The following ASCC3 variants were observed in gnomAD, a reference collection of about 807,000 sequenced individuals.
ASCC3 encodes the protein ASC-1 complex subunit P200.
In ASCC3, 158 loss-of-function variants were observed where a neutral mutation model predicts 256.3. That is an observed-to-expected ratio of 0.62 (90% confidence interval 0.54 to 0.70). ASCC3 has a LOEUF of 0.70. Ranked by LOEUF, ASCC3 falls within the 30% of genes least tolerant of loss-of-function variation. The pLI is 0.00. For missense variants in ASCC3, 2,259 were observed against 2,626.0 expected (o/e 0.86, Z 3.05); for synonymous variants, 948 against 883.4 (o/e 1.07, Z -1.30).
At chr6:100,635,498 G>T (rs1774798369) in intron 25 of ASCC3, among the ~76,000 whole-genome samples, 1 of 152,076 alleles carries the variant, frequency 6.6e-6, no homozygotes, top group Admixed American at 6.6e-5. Context: ...GAATGAATAA[G>T]TACTAGACAC....
chr6:100,862,991 A>C (rs1773298917), intron 3 of ASCC3, among the ~76,000 whole-genome samples: 1 of 152,190 alleles, frequency 6.6e-6, no homozygotes, highest in Non-Finnish European at 1.5e-5. Context: ...GAGGAAGTTG[A>C]AGACAGACGT....
chr6:100,646,418 C>A (rs1484828534), intron 22 of ASCC3, among the ~76,000 whole-genome samples, 197 bp downstream of exon 22: 1 of 152,108 alleles, frequency 6.6e-6, no homozygotes, highest in Non-Finnish European at 1.5e-5. Context: ...TCATGCCATT[C>A]TCCTGCCTCA....
At chr6:100,674,631 A>AT (rs3073741) in intron 14 of ASCC3, among the ~76,000 whole-genome samples, 52,474 of 131,654 alleles carry the variant, frequency 0.4, 11,199 homozygotes, top group East Asian at 0.52. Flanking sequence ...TTATTACAGA[A>AT]TTTTTTTTTT....
intron 37 of ASCC3, among the ~76,000 whole-genome samples, chr6:100,529,350 T>C (rs1198409924): frequency 6.6e-6 from 1 of 152,182 alleles, no homozygotes; most frequent in Non-Finnish European, 1.5e-5. Flanking sequence ...GTTAATTCAT[T>C]AGTTTATATA....
intron 4 of ASCC3, among the ~76,000 whole-genome samples, chr6:100,829,754 A>G (rs1348489572): frequency 6.6e-6 from 1 of 152,184 alleles, no homozygotes; most frequent in Non-Finnish European, 1.5e-5. Context: ...TGTCACCTCT[A>G]TGTTTTTTCC....
intron 1 of ASCC3, 61 bp from the exon 2 acceptor site, chr6:100,868,099 A>C: frequency 1.1e-6 from 1 of 926,428 alleles, no homozygotes; most frequent in Non-Finnish European, 1.7e-6. Flanking sequence ...AATCAAACTC[A>C]ACAAATTAGC....
Position 100,826,134 on chromosome 6 carries a change from C to CT in ASCC3, c.802-20255dup, listed in dbSNP as rs546238946. On this transcript the variant is annotated intron_variant, in intron 4 of 41. Coordinates refer to ENST00000369162, the MANE Select transcript of ASCC3 (RefSeq NM_006828.4). The stretch of plus-strand genomic sequence containing the variant: ...TAGGCTAAGTCTCCCACAAACTGTA[C>CT]TTTTTTTTTCATTTTTTGAGACAGT... Among the ~76,000 whole-genome samples, 365 of 150,914 alleles carry CT rather than the reference C, an allele frequency of 2.4e-3. 2 individuals carry two copies. The highest frequency in any genetic ancestry group is 0.015 in the South Asian group (70 of 4,746).
At chr6:100,858,780 A>G in intron 3 of ASCC3, 1 of 795,236 alleles carries the variant, frequency 1.3e-6, no homozygotes, top group South Asian at 2.4e-5. Context: ...TAGCCACAAC[A>G]TTATCACACC....
At chr6:100,581,217 A>G (rs1039109781) in intron 36 of ASCC3, among the ~76,000 whole-genome samples, 8 of 152,204 alleles carry the variant, frequency 5.3e-5, no homozygotes, top group African/African-American at 1.7e-4. Context: ...AAGTGTTCCT[A>G]TATCTCCACA....
intron 13 of ASCC3, among the ~76,000 whole-genome samples, chr6:100,709,323 G>A (rs550084452): frequency 5.9e-5 from 9 of 152,210 alleles, no homozygotes; most frequent in Non-Finnish European, 1.0e-4. Context: ...AACATTTAAC[G>A]TACTTAATAA....
chr6:100,787,937 A>G (rs764253648), intron 8 of ASCC3, among the ~76,000 whole-genome samples: 2 of 151,970 alleles, frequency 1.3e-5, no homozygotes, highest in Non-Finnish European at 1.5e-5. Context: ...AATTGCTTAC[A>G]TATGACCAAA....
intron 36 of ASCC3, among the ~76,000 whole-genome samples, chr6:100,565,475 A>AATAC (rs1452883620): frequency 6.6e-6 from 1 of 152,148 alleles, no homozygotes; most frequent in Non-Finnish European, 1.5e-5. Flanking sequence ...TAAATAAATA[A>AATAC]ATAAATAAAT....
At chr6:100,671,266 C>T (rs1776729967) in intron 14 of ASCC3, among the ~76,000 whole-genome samples, 1 of 151,978 alleles carries the variant, frequency 6.6e-6, no homozygotes, top group Admixed American at 6.6e-5. Flanking sequence ...CTATAAGATG[C>T]CTGCTGCTTT....
intron 22 of ASCC3, among the ~76,000 whole-genome samples, chr6:100,645,743 A>G (rs1209009902): frequency 6.6e-6 from 1 of 152,220 alleles, no homozygotes; most frequent in Non-Finnish European, 1.5e-5. Flanking sequence ...CTTTATATAC[A>G]TAATAATATC....
chr6:100,728,726 T>C (rs1450602593), intron 10 of ASCC3, among the ~76,000 whole-genome samples: 1 of 152,104 alleles, frequency 6.6e-6, no homozygotes, highest in Non-Finnish European at 1.5e-5. Flanking sequence ...AAATTCATAA[T>C]ATTAAGTATA....
At chr6:100,589,893 C>G (rs1211960326) in intron 35 of ASCC3, 55 bp downstream of exon 35, 3 of 1,591,512 alleles carry the variant, frequency 1.9e-6, no homozygotes, top group East Asian at 2.2e-5. Context: ...AAGCAAAAGA[C>G]CTGTCAAAAA....
intron 14 of ASCC3, among the ~76,000 whole-genome samples, chr6:100,675,627 G>T (rs9399654): frequency 0.073 from 11,174 of 152,152 alleles, 940 homozygotes; most frequent in East Asian, 0.3. Flanking sequence ...TTGAGGATAC[G>T]TATTACTATT....
At chr6:100,816,186 T>C (rs931691031) in intron 4 of ASCC3, among the ~76,000 whole-genome samples, 4 of 151,766 alleles carry the variant, frequency 2.6e-5, no homozygotes, top group Non-Finnish European at 5.9e-5. Flanking sequence ...ATTAGAGAAA[T>C]GAAAATCAAA....
At chr6:100,653,721 T>C (rs1407713850) in intron 17 of ASCC3, among the ~76,000 whole-genome samples, 2 of 151,892 alleles carry the variant, frequency 1.3e-5, no homozygotes, top group Non-Finnish European at 2.9e-5. Context: ...CTAAAGTAAA[T>C]AAAGTTGACA....
Sources: gnomAD v4.1 joint callset for allele counts (sites outside exome capture counted in the v4.1 genomes callset) on GRCh38, gnomAD v4.1.1 for gene constraint, MANE v1.5 for transcripts, NCBI Gene and HGNC (gene_info 2026-07-23, HGNC 2026-07-21) for gene names.